Variants in MYLK2 observed in about 807,000 individuals in gnomAD.
The protein encoded by MYLK2 is myosin light chain kinase 2, skeletal/cardiac muscle.
In MYLK2, 27 loss-of-function variants were observed where a neutral mutation model predicts 58.2. The observed-to-expected ratio is 0.46, with a 90% CI of 0.34 to 0.64. MYLK2 has a LOEUF of 0.64. MYLK2 is among the 30% of genes least tolerant of loss of function. The pLI, the probability that MYLK2 is intolerant of heterozygous loss-of-function variation, is 0.01. For missense variants in MYLK2, 676 were observed against 764.3 expected (o/e 0.88, Z 1.36); for synonymous variants, 310 against 296.7 (o/e 1.04, Z -0.46).
intron 6 of MYLK2, among the ~76,000 whole-genome samples, chr20:31,825,537 G>T (rs1415551785): frequency 6.6e-6 from 1 of 152,180 alleles, no homozygotes; most frequent in Non-Finnish European, 1.5e-5. Flanking sequence ...AAAAAGAAAA[G>T]AAAAGAGAAG....
Position 31,820,518 on chromosome 20 carries a change from A to T in MYLK2, c.445A>T (p.Ser149Cys). The part of the protein sequence containing the change: ...ARRGSPAFLH[S>C]PSCPAIISSS... ...GAGGGGCTCACCTGCCTTTCTGCATAGCCCCAGCTGTCCTGCCATCATCTC... is the reference window on the plus strand; with the variant it reads ...GAGGGGCTCACCTGCCTTTCTGCATTGCCCCAGCTGTCCTGCCATCATCTC... Residue 149 changes from serine to cysteine, a missense_variant, in exon 3 of 13, where the codon AGC (serine) becomes TGC (cysteine). Around this residue, in one of 2 missense-constraint regions of MYLK2, gnomAD observed 306 missense variants for 296.5 expected, o/e 1.03. Transcript: ENST00000375985. 6.2e-7 allele frequency: 1 copy of T among 1,603,122 alleles called. No homozygotes were observed. The highest frequency in any genetic ancestry group is 1.3e-5 in the African/African-American group (1 of 75,068).
At chr20:31,821,378 C>T in intron 3 of MYLK2, 61 bp from the exon 4 acceptor site, 2 of 1,604,620 alleles carry the variant, frequency 1.2e-6, no homozygotes, top group Non-Finnish European at 1.7e-6. Context: ...TGCATTGAGA[C>T]TTGCCTGATG....
At position 31,819,610 on chromosome 20, in the gene MYLK2, G is replaced by A. The variant is rs2062241320; in HGVS notation, c.30G>A (p.Leu10=). The A allele has an allele frequency of 6.4e-7, 1 of 1,551,580 alleles. No homozygotes were observed. The highest frequency in any genetic ancestry group is 1.2e-5 in the South Asian group (1 of 84,058). Residue 10 remains leucine (L), a synonymous_variant, in exon 2 of 13, where the codon CTG becomes CTA. Transcript: ENST00000375985. MATENGAVE[L]GIQNPSTDKA... is the part of the protein sequence containing the mutation. ...CGACAGAAAATGGAGCAGTTGAGCT[G>A]GGAATTCAGAACCCATCAACAGGTG...
At chr20:31,828,932 G>A (rs538584902) in intron 8 of MYLK2, among the ~76,000 whole-genome samples, 1 of 152,312 alleles carries the variant, frequency 6.6e-6, no homozygotes, top group African/African-American at 2.4e-5. Flanking sequence ...GAGTGGCAGT[G>A]GGAGAGGGGA....
intron 8 of MYLK2, chr20:31,828,687 G>A (rs1436457709): frequency 3.7e-5 from 36 of 985,350 alleles, no homozygotes; most frequent in Non-Finnish European, 4.0e-5. Context: ...GCAGGGAGAT[G>A]CTGTTGCCGC....
In MYLK2 at chr20:31,820,252, A is replaced by G. The variant is rs1247362844; in HGVS notation, c.179A>G (p.Glu60Gly). Residue 60 changes from glutamate to glycine, a missense_variant, in exon 3 of 13, where the codon GAG becomes GGG. Transcript: ENST00000375985. ...LKKDAKAPAS[E>G]KGDGTLAQPS... ...AAAGATGCCAAAGCCCCTGCCTCAG[A>G]GAAAGGGGATGGTACCCTGGCCCAA... is the stretch of plus-strand genomic sequence containing the variant. 1 of 1,614,008 alleles carries G rather than the reference A, an allele frequency of 6.2e-7. No homozygotes were observed. Among genetic ancestry groups the G allele is most frequent in the Admixed American group, 1.7e-5 (1 of 60,032 alleles).
intron 8 of MYLK2, among the ~76,000 whole-genome samples, chr20:31,829,978 C>G (rs1204573016): frequency 6.6e-6 from 1 of 152,138 alleles, no homozygotes; most frequent in Non-Finnish European, 1.5e-5. Flanking sequence ...CAATCCCTGG[C>G]CTGGAAGAGC....
intron 4 of MYLK2, 38 bp from the exon 5 acceptor site, chr20:31,823,439 C>A: frequency 6.3e-7 from 1 of 1,583,942 alleles, no homozygotes; most frequent in Non-Finnish European, 8.6e-7. Flanking sequence ...CTCAGCAGCC[C>A]CTGGCACTGA....
intron 8 of MYLK2, among the ~76,000 whole-genome samples, chr20:31,829,786 A>G (rs2062296672): frequency 6.6e-6 from 1 of 152,224 alleles, no homozygotes; most frequent in Non-Finnish European, 1.5e-5. Flanking sequence ...TAACTTAAAA[A>G]TGTTTATACC....
rs550662845 is a variant in MYLK2 at position 31,833,974 on chromosome 20, T to A, written c.*177T>A. 5.3e-5 allele frequency: 33 copies of A among 623,006 alleles called. No individual in the cohort carries two copies. The East Asian group carries it at 8.0e-4, about 15-fold the overall frequency. The allele number at this position is 623,006 out of a possible 1,614,324, so 38.6% of individuals were successfully genotyped here. A position where few individuals can be genotyped will look rare whatever the true frequency, so the allele number is the denominator to read the frequency against. On this transcript the variant is annotated 3_prime_UTR_variant, in exon 13 of 13. Transcript: ENST00000375985. ...CCCCATGCAGTGACCGCTTCCCCGATGTGAGCCGCCTCGGAGTGTGGCCTG... is the reference window on the plus strand; with the variant it reads ...CCCCATGCAGTGACCGCTTCCCCGAAGTGAGCCGCCTCGGAGTGTGGCCTG...
rs1472070777 is a variant in MYLK2 at position 31,820,112 on chromosome 20, C to T, written c.53-14C>T. 1 of 1,613,406 alleles carries T rather than the reference C, an allele frequency of 6.2e-7. No homozygotes were observed. The highest frequency in any genetic ancestry group is 1.1e-5 in the South Asian group (1 of 91,076). ...GGAGGGTGGATCCTGATGGGTGTCT[C>T]ACCTCCTCTGCAGACAAGGCACCTA... On this transcript the variant is annotated splice_polypyrimidine_tract_variant and intron_variant, in intron 2 of 12. Transcript: ENST00000375985.
intron 12 of MYLK2, 87 bp downstream of exon 12, chr20:31,832,223 T>C: frequency 6.5e-7 from 1 of 1,534,886 alleles, no homozygotes; most frequent in Non-Finnish European, 8.8e-7. Flanking sequence ...GTCCCTGCCT[T>C]GGCAGGTTCT....
At chr20:31,830,984 G>A in intron 9 of MYLK2, 29 bp from the exon 10 acceptor site, 2 of 1,614,180 alleles carry the variant, frequency 1.2e-6, no homozygotes, top group Admixed American at 1.7e-5. Context: ...GCCAGGAGCT[G>A]TGCTCTCAGC....
At chr20:31,826,142 G>A (rs980398439) in intron 6 of MYLK2, among the ~76,000 whole-genome samples, 6 of 152,300 alleles carry the variant, frequency 3.9e-5, no homozygotes, top group Non-Finnish European at 5.9e-5. Flanking sequence ...GGGAAGGGAC[G>A]ATGTCTAAGG....
intron 6 of MYLK2, 106 bp downstream of exon 6, chr20:31,824,458 T>A: frequency 6.5e-7 from 1 of 1,542,040 alleles, no homozygotes; most frequent in Non-Finnish European, 8.7e-7. Flanking sequence ...GGGCCTGGTA[T>A]GGGAGTTTGT....
At position 31,833,727 on chromosome 20, in the gene MYLK2, T is replaced by C. The variant is rs767320118; in HGVS notation, c.1721T>C (p.Ile574Thr). 1 of 1,613,996 alleles carries C rather than the reference T, an allele frequency of 6.2e-7. No homozygotes were observed. The highest frequency in any genetic ancestry group is 1.3e-5 in the African/African-American group (1 of 75,042). Residue 574 changes from isoleucine to threonine, a missense_variant, in exon 13 of 13, where the codon ATT (isoleucine) becomes ACT (threonine). This residue lies in a region of MYLK2 where 370 missense variants were observed against 467.8 expected (regional missense o/e 0.79). Coordinates refer to ENST00000375985, the MANE Select transcript of MYLK2 (RefSeq NM_033118.4). ...LMKRRWKKNF[I>T]AVSAANRFKK... ...TCTTCTGCCCTCTAGAAAAACTTCA[T>C]TGCTGTCAGCGCTGCCAACCGCTTC...
At chr20:31,826,562 G>A (rs1286776428) in intron 6 of MYLK2, 43 bp from the exon 7 acceptor site, 2 of 1,613,026 alleles carry the variant, frequency 1.2e-6, no homozygotes, top group Non-Finnish European at 8.5e-7. Context: ...GTGGCAGGGA[G>A]TGATGGTGCC....
In MYLK2 at chr20:31,833,893, G is replaced by C; in HGVS notation, c.*96G>C. 1 of 1,190,266 alleles carries C rather than the reference G, an allele frequency of 8.4e-7. No individual in the cohort carries two copies. The highest frequency in any genetic ancestry group is 1.2e-6 in the Non-Finnish European group (1 of 819,836). 73.7% of individuals were successfully genotyped at this position (1,190,266 alleles called of 1,614,324 possible). ...CCAGAAAAGGCAGCCAGATCCCCAG[G>C]GCAGCCTCGTTAGGACAAGGCTGTG... is the stretch of plus-strand genomic sequence containing the variant. On this transcript the variant is annotated 3_prime_UTR_variant, in exon 13 of 13. Transcript: ENST00000375985.
At chr20:31,828,658 C>T in intron 8 of MYLK2, 1 of 985,446 alleles carries the variant, frequency 1.0e-6, no homozygotes. Context: ...AAATTGAAGT[C>T]AGCACGGGTC....
Sources: allele counts gnomAD v4.1 joint callset (sites outside exome capture counted in the v4.1 genomes callset), GRCh38; gene constraint gnomAD v4.1.1; regional missense constraint gnomAD v4.1.1; transcripts MANE v1.5; gene names NCBI Gene and HGNC (gene_info 2026-07-23, HGNC 2026-07-21).